MYO9A: variants seen among roughly 807,000 people sequenced by gnomAD.
MYO9A encodes myosin IXA, also known as unconventional myosin-IXa.
A neutral mutation model predicts 293.3 loss-of-function variants in MYO9A; 103 were observed. That is an observed-to-expected ratio of 0.35 (90% CI 0.30 to 0.41). MYO9A has a LOEUF of 0.41. Ranked by LOEUF, MYO9A falls within the 10% of genes least tolerant of loss-of-function variation. The pLI, the probability that MYO9A is intolerant of heterozygous loss-of-function variation, is 1.00. For missense variants in MYO9A, 2,685 were observed against 3,033.0 expected, an observed-to-expected ratio of 0.89 and a Z score of 2.69; for synonymous variants, 1,001 against 1,035.7, an observed-to-expected ratio of 0.97 and a Z score of 0.64.
At chr15:72,047,347 T>A (rs2078416126) in intron 1 of MYO9A, among the ~76,000 whole-genome samples, 1 of 152,224 alleles carries the variant, frequency 6.6e-6, no homozygotes. Context: ...CTTCCCTTTT[T>A]CCTTCAATGC....
intron 1 of MYO9A, among the ~76,000 whole-genome samples, chr15:72,084,027 A>C (rs973733836): frequency 2.0e-5 from 3 of 152,156 alleles, no homozygotes; most frequent in African/African-American, 7.2e-5. Flanking sequence ...TCCAGTGCTG[A>C]GTTCAGGTCC....
At chr15:72,114,382 T>C (rs1008769232) in intron 1 of MYO9A, 5 of 152,274 alleles carry the variant, frequency 3.3e-5, no homozygotes, top group South Asian at 2.1e-4. Context: ...TAAAATAAGA[T>C]AGAGGCAACA....
intron 18 of MYO9A, among the ~76,000 whole-genome samples, chr15:71,924,476 T>A (rs2058239425): frequency 6.6e-6 from 1 of 152,116 alleles, no homozygotes; most frequent in Admixed American, 6.5e-5. Context: ...TCTCCTGATC[T>A]CGTGACCTGC....
At chr15:71,940,385 G>T (rs1596245566) in intron 15 of MYO9A, among the ~76,000 whole-genome samples, 1 of 152,016 alleles carries the variant, frequency 6.6e-6, no homozygotes, top group Admixed American at 6.5e-5. Context: ...GTCCCAGCTT[G>T]AGAGTCTGAT....
In MYO9A at chr15:71,898,247, G is replaced by C; in HGVS notation, c.4256C>G (p.Thr1419Ser). Reference sequence around the variant, plus strand: ...GTCTTGTTGGGGGATATAAAAAAAAGTAGGTAGACTATTTGAAATGAAGGA... The same window carrying C: ...GTCTTGTTGGGGGATATAAAAAAAACTAGGTAGACTATTTGAAATGAAGGA... The part of the protein sequence containing the change: ...KDSFISNSLP[T>S]FFYIPQQDPL... The change falls in exon 25 of 42, where the codon ACT becomes AGT. Residue 1419 changes from threonine (T) to serine (S), a missense_variant. Coordinates refer to ENST00000356056, the MANE Select transcript of MYO9A (RefSeq NM_006901.4). The C allele has an allele frequency of 6.2e-7, 1 of 1,614,104 alleles. No individual in the cohort carries two copies. The highest frequency in any genetic ancestry group is 8.5e-7 in the Non-Finnish European group (1 of 1,180,010).
At chr15:71,922,648 A>G (rs1369719794) in intron 18 of MYO9A, among the ~76,000 whole-genome samples, 1 of 152,134 alleles carries the variant, frequency 6.6e-6, no homozygotes, top group East Asian at 1.9e-4. Context: ...ACTCTATTAT[A>G]TACTGCTATG....
At chr15:71,956,332 TA>T (rs1567315015) in intron 14 of MYO9A, among the ~76,000 whole-genome samples, 2 of 77,432 alleles carry the variant, frequency 2.6e-5, no homozygotes, top group Non-Finnish European at 4.9e-5. Context: ...AAAAAAAAAA[TA>T]TATATATATA....
intron 11 of MYO9A, among the ~76,000 whole-genome samples, chr15:71,984,962 C>G (rs915100357): frequency 6.6e-6 from 1 of 152,200 alleles, no homozygotes; most frequent in African/African-American, 2.4e-5. Flanking sequence ...CTCTGTCACT[C>G]AGGCTGCAGT....
intron 1 of MYO9A, among the ~76,000 whole-genome samples, chr15:72,066,482 C>G (rs1380744576): frequency 8.3e-6 from 1 of 119,868 alleles, no homozygotes; most frequent in Non-Finnish European, 1.7e-5. Flanking sequence ...GAGACTTGGT[C>G]TCAAAAAAAA....
At chr15:72,064,880 T>C (rs1275985456) in intron 1 of MYO9A, among the ~76,000 whole-genome samples, 2 of 152,172 alleles carry the variant, frequency 1.3e-5, no homozygotes. Context: ...GTATTTGAAA[T>C]CTAATGGACC....
chr15:71,976,024 A>C (rs2899776), intron 12 of MYO9A, among the ~76,000 whole-genome samples: 1 of 151,946 alleles, frequency 6.6e-6, no homozygotes, highest in Non-Finnish European at 1.5e-5. Flanking sequence ...GGGCAAATTA[A>C]TTGAACTCAA....
intron 18 of MYO9A, among the ~76,000 whole-genome samples, chr15:71,929,623 G>A (rs532198353): frequency 6.6e-5 from 10 of 152,152 alleles, no homozygotes; most frequent in Non-Finnish European, 8.8e-5. Flanking sequence ...TTCTTGTATC[G>A]CAAGAATAAA....
rs28409864 is a variant in MYO9A at position 71,873,094 on chromosome 15, T to C, written c.5979+2697A>G. Among the ~76,000 whole-genome samples the C allele has an allele frequency of 4.2e-3, 634 of 152,002 alleles. 6 individuals are homozygous for C. Among genetic ancestry groups the C allele is most frequent in the African/African-American group, 0.015 (608 of 41,456 alleles). On this transcript the variant is annotated intron_variant, in intron 32 of 41. Coordinates refer to ENST00000356056, the MANE Select transcript of MYO9A (RefSeq NM_006901.4). ...CACCTGGCTAATTTTTTTTTGTATT[T>C]TTAGTAGAGATGGGGTTTCGCCATG... is the stretch of plus-strand genomic sequence containing the variant.
chr15:72,051,948 C>T (rs2149796898), intron 1 of MYO9A, among the ~76,000 whole-genome samples: 1 of 152,312 alleles, frequency 6.6e-6, no homozygotes, highest in East Asian at 1.9e-4. Context: ...TCCATTGGCA[C>T]CCGATGACCA....
chr15:71,941,429 C>T (rs1255476696), intron 15 of MYO9A, among the ~76,000 whole-genome samples: 1 of 152,114 alleles, frequency 6.6e-6, no homozygotes, highest in East Asian at 1.9e-4. Flanking sequence ...GGCAAGACTC[C>T]ATCTCAAAAA....
chr15:71,862,918 T>C (rs2056193955), intron 32 of MYO9A, among the ~76,000 whole-genome samples: 1 of 145,794 alleles, frequency 6.9e-6, no homozygotes, highest in Non-Finnish European at 1.5e-5. Flanking sequence ...GTTTTCTTTT[T>C]CTTTTTTTGG....
chr15:72,113,056 C>T (rs1299112301), intron 1 of MYO9A, among the ~76,000 whole-genome samples: 6 of 152,110 alleles, frequency 3.9e-5, no homozygotes, highest in Admixed American at 3.3e-4. Flanking sequence ...CACAGTGAGA[C>T]CCTATTTTTT....
At chr15:71,842,412 C>T (rs770274357) in intron 39 of MYO9A, among the ~76,000 whole-genome samples, 1 of 151,604 alleles carries the variant, frequency 6.6e-6, no homozygotes, top group Non-Finnish European at 1.5e-5. Flanking sequence ...CTCATTTAAT[C>T]CTAAGTTTGG....
At chr15:71,851,821 T>C (rs2055661611) in intron 36 of MYO9A, among the ~76,000 whole-genome samples, 3 of 152,192 alleles carry the variant, frequency 2.0e-5, no homozygotes, top group African/African-American at 7.2e-5. Context: ...TAAATGAACA[T>C]AAGCCTAATC....
Sources: gnomAD v4.1 joint callset for allele counts (sites outside exome capture counted in the v4.1 genomes callset) on GRCh38, gnomAD v4.1.1 for gene constraint, MANE v1.5 for transcripts, NCBI Gene and HGNC (gene_info 2026-07-23, HGNC 2026-07-21) for gene names.